Variants in ECHDC3 observed in about 807,000 individuals in gnomAD.
ECHDC3 encodes the protein enoyl-CoA hydratase domain-containing protein 3, mitochondrial.
A neutral mutation model predicts 17.9 loss-of-function variants in ECHDC3; 20 were observed. The observed-to-expected ratio is 1.12, with a 90% CI of 0.79 to 1.63. The LOEUF is 1.63. Among genes scored for constraint, ECHDC3 ranks in the 40% most tolerant of loss-of-function variants. The pLI is 0.00. For synonymous variants in ECHDC3, 177 were observed against 149.7 expected, an observed-to-expected ratio of 1.18 and a Z score of -1.33; for missense variants, 407 against 357.7, an observed-to-expected ratio of 1.14 and a Z score of -1.11.
At chr10:11,756,352 A>G (rs772421410) in intron 4 of ECHDC3, among the ~76,000 whole-genome samples, 1 of 152,216 alleles carries the variant, frequency 6.6e-6, no homozygotes, top group Non-Finnish European at 1.5e-5. Context: ...TTAATTGGAA[A>G]TCTATAAAAA....
chr10:11,763,849 A>C lies in ECHDC3; in HGVS notation c.*305A>C. 2 of 1,102,676 alleles carry C rather than the reference A, an allele frequency of 1.8e-6. No individual in the cohort carries two copies. Among genetic ancestry groups the C allele is most frequent in the Non-Finnish European group, 2.2e-6 (2 of 904,552 alleles). 68.3% of individuals were successfully genotyped at this position (1,102,676 alleles called of 1,614,324 possible). ...AAGCAAGCGACCCCCCGACATAGCAAAAGGTGGCAACCCATGGAGGCAGAA... is the reference window on the plus strand; with the variant it reads ...AAGCAAGCGACCCCCCGACATAGCACAAGGTGGCAACCCATGGAGGCAGAA... On this transcript the variant is annotated 3_prime_UTR_variant, in exon 5 of 5. Transcript: ENST00000379215. This position sits in a 1 kb window ranked among gnomAD's most constrained non-coding sequence, Gnocchi z 4.9.
At chr10:11,747,678 T>C (rs1832777653) in intron 2 of ECHDC3, among the ~76,000 whole-genome samples, 1 of 152,252 alleles carries the variant, frequency 6.6e-6, no homozygotes, top group Non-Finnish European at 1.5e-5. Context: ...GACTGTTCAG[T>C]GAAACTATGT....
At position 11,749,773 on chromosome 10, in the gene ECHDC3, C is replaced by CT. The variant is rs869115508; in HGVS notation, c.390+221dup. On this transcript the variant is annotated intron_variant, in intron 3 of 4. Coordinates refer to ENST00000379215, the MANE Select transcript of ECHDC3 (RefSeq NM_024693.5). Reference sequence around the variant, plus strand: ...AATCCAGCAATTATTTGGTTTAGACCTTTTTTTTTTTTTTTTTTTTTTTTT... The same window carrying CT: ...AATCCAGCAATTATTTGGTTTAGACCTTTTTTTTTTTTTTTTTTTTTTTTTT... 6.6e-4 allele frequency among the ~76,000 whole-genome samples: 43 copies of CT among 65,528 alleles called. 4 individuals carry two copies. The highest frequency in any genetic ancestry group is 2.8e-3 in the African/African-American group (43 of 15,298). The allele number at this position is 65,528 out of a possible 152,430, so 43.0% of individuals were successfully genotyped here.
At chr10:11,754,047 G>A (rs759569906) in intron 3 of ECHDC3, among the ~76,000 whole-genome samples, 2 of 151,992 alleles carry the variant, frequency 1.3e-5, no homozygotes, top group Non-Finnish European at 2.9e-5. Flanking sequence ...CTTCTGAGGA[G>A]GATGTATTTC....
chr10:11,746,341 A>G (rs1373692930), intron 1 of ECHDC3, among the ~76,000 whole-genome samples: 2 of 150,858 alleles, frequency 1.3e-5, no homozygotes, highest in Non-Finnish European at 3.0e-5. Flanking sequence ...AAAAAAAAAA[A>G]AAAAAAAAAA....
intron 3 of ECHDC3, among the ~76,000 whole-genome samples, chr10:11,753,843 C>T (rs973106725): frequency 6.6e-6 from 1 of 152,240 alleles, no homozygotes; most frequent in South Asian, 2.1e-4. Flanking sequence ...GGCGCGATCT[C>T]AGCTCACCAC....
At chr10:11,743,197 A>C (rs1832716442) in intron 1 of ECHDC3, among the ~76,000 whole-genome samples, 1 of 152,200 alleles carries the variant, frequency 6.6e-6, no homozygotes, top group Non-Finnish European at 1.5e-5. Flanking sequence ...CTTGTACGCC[A>C]ACTGGAATCT....
Position 11,747,444 on chromosome 10 carries a change from AC to A in ECHDC3, c.267del (p.Asn89LysfsTer3). 6.2e-7 allele frequency: 1 copy of A among 1,614,004 alleles called. No homozygotes were observed. The highest frequency in any genetic ancestry group is 8.5e-7 in the Non-Finnish European group (1 of 1,179,988). On this transcript the variant is annotated frameshift_variant, in exon 2 of 5. Coordinates refer to ENST00000379215, the MANE Select transcript of ECHDC3 (RefSeq NM_024693.5). LOFTEE classifies it high-confidence loss of function. ...QSDILHDADSNDLKVIIISAE... is the reference protein window; with the variant it reads ...QSDILHDADSXDLKVIIISAE... ...GACATTCTTCATGACGCTGACAGCA[AC>A]GATCTGAAAGTCATTATCATCTCGG...
chr10:11,747,601 T>C (rs1832776861), intron 2 of ECHDC3, 131 bp downstream of exon 2: 11 of 1,131,078 alleles, frequency 9.7e-6, no homozygotes, highest in Non-Finnish European at 1.4e-5. Flanking sequence ...ACATTAATTA[T>C]GGAAAACACC....
intron 4 of ECHDC3, among the ~76,000 whole-genome samples, chr10:11,760,542 A>G (rs1165764757): frequency 6.6e-6 from 1 of 152,238 alleles, no homozygotes; most frequent in Non-Finnish European, 1.5e-5. Flanking sequence ...GGACTTGATC[A>G]TTGCAAGTGA....
intron 1 of ECHDC3, among the ~76,000 whole-genome samples, chr10:11,746,567 G>A (rs1416023302): frequency 1.3e-5 from 2 of 152,094 alleles, no homozygotes; most frequent in African/African-American, 4.8e-5. Context: ...ATTGCGCATT[G>A]CTTGCCTGTG....
intron 3 of ECHDC3, among the ~76,000 whole-genome samples, chr10:11,750,489 C>T (rs1173708523): frequency 6.6e-6 from 1 of 152,128 alleles, no homozygotes; most frequent in Non-Finnish European, 1.5e-5. Context: ...AGGAAAAATA[C>T]CGACAGCCAC....
At chr10:11,745,678 C>T (rs957307228) in intron 1 of ECHDC3, among the ~76,000 whole-genome samples, 7 of 151,968 alleles carry the variant, frequency 4.6e-5, no homozygotes, top group East Asian at 1.9e-4. Flanking sequence ...GGCTGTACCG[C>T]GGAAGGAATA....
chr10:11,754,339 A>G (rs1832861810), intron 3 of ECHDC3, among the ~76,000 whole-genome samples: 2 of 152,206 alleles, frequency 1.3e-5, no homozygotes, highest in African/African-American at 4.8e-5. Context: ...AAAGAGCAGC[A>G]CTTTAGAAAT....
chr10:11,742,476 AGTTCC>A lies in ECHDC3; in HGVS notation c.-98_-94del. ...TCTCGGCCACCGTCGAGTTCCGTCGAGTTCCGTCCCGGCCCTGCTCACAGCAGCGC... is the reference window on the plus strand; with the variant it reads ...TCTCGGCCACCGTCGAGTTCCGTCGAGTCCCGGCCCTGCTCACAGCAGCGC... On this transcript the variant is annotated 5_prime_UTR_variant, in exon 1 of 5. Transcript: ENST00000379215. 8.7e-7 allele frequency: 1 copy of A among 1,146,800 alleles called. No individual in the cohort carries two copies. The highest frequency in any genetic ancestry group is 1.1e-6 in the Non-Finnish European group (1 of 912,272). The allele number at this position is 1,146,800 out of a possible 1,614,324, so 71.0% of individuals were successfully genotyped here.
Position 11,755,572 on chromosome 10 carries a change from C to T in ECHDC3, c.555C>T (p.Thr185=), listed in dbSNP as rs1488320022. The T allele has an allele frequency of 6.2e-7, 1 of 1,613,790 alleles. No homozygotes were observed. The highest frequency in any genetic ancestry group is 1.3e-5 in the African/African-American group (1 of 74,914). The change falls in exon 4 of 5, where the codon ACC becomes ACT. Residue 185 remains threonine (T), a synonymous_variant. Transcript: ENST00000379215. ...TGAACGTCGGGCTCTTCTGTTCTACCCCTGGGGTTGCCTTGGCAAGAGCAG... is the reference window on the plus strand; with the variant it reads ...TGAACGTCGGGCTCTTCTGTTCTACTCCTGGGGTTGCCTTGGCAAGAGCAG... The part of the protein sequence containing the change: ...PGVNVGLFCS[T]PGVALARAVP...
intron 1 of ECHDC3, 36 bp downstream of exon 1, chr10:11,742,782 G>A: frequency 8.2e-7 from 1 of 1,224,854 alleles, no homozygotes; most frequent in Non-Finnish European, 1.0e-6. Flanking sequence ...TCGCGTTGGT[G>A]CCGAGTCGGG....
chr10:11,754,058 C>T (rs528610228), intron 3 of ECHDC3, among the ~76,000 whole-genome samples: 6 of 152,168 alleles, frequency 3.9e-5, no homozygotes, highest in African/African-American at 9.6e-5. Flanking sequence ...GATGTATTTC[C>T]TCATTTATCC....
rs10906011 is a variant in ECHDC3, at chr10:11,763,358, G to A, written c.726G>A (p.Ser242=). The A allele has an allele frequency of 0.56, 437,592 of 778,384 alleles. 124,689 individuals carry two copies. Among genetic ancestry groups the A allele is most frequent in the South Asian group, 0.59 (44,013 of 74,564 alleles). The allele number at this position is 778,384 out of a possible 1,614,324, so 48.2% of individuals were successfully genotyped here. A position where few individuals can be genotyped will look rare whatever the true frequency, so the allele number is the denominator to read the frequency against. ...ETMRIARKIA[S]LSRPVVSLGK... Reference sequence around the variant, plus strand: ...TGCGGATCGCTAGGAAGATCGCATCGCTGAGCCGTCCGGTGGTGTCCCTGG... The same window carrying A: ...TGCGGATCGCTAGGAAGATCGCATCACTGAGCCGTCCGGTGGTGTCCCTGG... Residue 242 remains serine (S), a synonymous_variant, in exon 5 of 5, where the codon TCG becomes TCA. Coordinates refer to ENST00000379215, the MANE Select transcript of ECHDC3 (RefSeq NM_024693.5). This position sits in a 1 kb window ranked among gnomAD's most constrained non-coding sequence, Gnocchi z 4.9.
Sources: allele counts gnomAD v4.1 joint callset (sites outside exome capture counted in the v4.1 genomes callset), GRCh38; gene constraint gnomAD v4.1.1; non-coding constraint Gnocchi (gnomAD v3.1); transcripts MANE v1.5; gene names NCBI Gene and HGNC (gene_info 2026-07-23, HGNC 2026-07-21).